Variants in NAPG observed in about 807,000 individuals in gnomAD.
NAPG encodes the protein gamma-soluble NSF attachment protein.
NAPG carries 25 observed loss-of-function variants against 48.4 expected under a neutral mutation model. The observed-to-expected ratio is 0.52, with a 90% CI of 0.38 to 0.72. The LOEUF is 0.72. Ranked by LOEUF, NAPG falls within the 30% of genes least tolerant of loss-of-function variation. NAPG has a pLI of 0.00. For synonymous variants in NAPG, 139 were observed against 127.2 expected (o/e 1.09, Z -0.62); for missense variants, 359 against 372.5 (o/e 0.96, Z 0.30).
At position 10,527,958 on chromosome 18, in the gene NAPG, G is replaced by A. The variant is rs375658136; in HGVS notation, c.56+1800G>A. On this transcript the variant is annotated intron_variant, in intron 1 of 11. Coordinates refer to ENST00000322897, the MANE Select transcript of NAPG (RefSeq NM_003826.3). ...CCCAGCACTTTGGGAGGCTGAGGCG[G>A]GTGGATCACTTGAGGTCAGGAGTTC... is the stretch of plus-strand genomic sequence containing the variant. 1.0e-3 allele frequency among the ~76,000 whole-genome samples: 153 copies of A among 152,244 alleles called. 3 individuals carry two copies. In the South Asian group the frequency reaches 0.03, roughly 30 times the overall value.
rs563821008 is a variant in NAPG at position 10,543,153 on chromosome 18, A to G, written c.506+2754A>G. Among the ~76,000 whole-genome samples, 4 of 152,068 alleles carry G rather than the reference A, an allele frequency of 2.6e-5. No homozygotes were observed. In the South Asian group the frequency reaches 8.3e-4, roughly 32 times the overall value. On this transcript the variant is annotated intron_variant, in intron 8 of 11. Transcript: ENST00000322897. The surrounding 1 kb of genome is among the most constrained non-coding windows in gnomAD (Gnocchi z 4.4). ...CCCATCTCAAAAAAAAAAAAAAAGAAAAGAAAAGAAAAAAAGACCTTTCCA... is the reference window on the plus strand; with the variant it reads ...CCCATCTCAAAAAAAAAAAAAAAGAGAAGAAAAGAAAAAAAGACCTTTCCA...
At position 10,526,088 on chromosome 18, in the gene NAPG, G is replaced by C; in HGVS notation, c.-15G>C. On this transcript the variant is annotated 5_prime_UTR_variant, in exon 1 of 12. Coordinates refer to ENST00000322897, the MANE Select transcript of NAPG (RefSeq NM_003826.3). ...AGGGTCACCCTCTCTCCACGTCAGA[G>C]ACCTGACTGTGGAGATGGCGGCTCA... is the stretch of plus-strand genomic sequence containing the variant. 1 of 1,613,382 alleles carries C rather than the reference G, an allele frequency of 6.2e-7. No individual in the cohort carries two copies. The highest frequency in any genetic ancestry group is 1.1e-5 in the South Asian group (1 of 91,066).
chr18:10,532,615 G>A, intron 2 of NAPG, 96 bp from the exon 3 acceptor site: 1 of 859,612 alleles, frequency 1.2e-6, no homozygotes, highest in Non-Finnish European at 1.8e-6. Context: ...TTTGAAGTAA[G>A]TATGTTTATA....
chr18:10,549,813 T>A, intron 11 of NAPG, among the ~76,000 whole-genome samples: 1 of 152,254 alleles, frequency 6.6e-6, no homozygotes, highest in African/African-American at 2.4e-5. Flanking sequence ...CTAAATAACG[T>A]CTTACATAGG....
chr18:10,536,961 T>G (rs892756687), intron 5 of NAPG, among the ~76,000 whole-genome samples: 4 of 148,442 alleles, frequency 2.7e-5, no homozygotes, highest in African/African-American at 7.6e-5. Context: ...AGCCTGTTTT[T>G]GTTTTTTTTT....
At chr18:10,549,236 T>A in intron 11 of NAPG, 140 bp downstream of exon 11, 2 of 950,638 alleles carry the variant, frequency 2.1e-6, no homozygotes, top group Non-Finnish European at 3.1e-6. Context: ...ATAAGGAAAC[T>A]GACCACTTGC....
chr18:10,540,427 G>GT (rs763773482), intron 8 of NAPG, 28 bp downstream of exon 8: 74 of 1,576,036 alleles, frequency 4.7e-5, no homozygotes, highest in Non-Finnish European at 5.9e-5. Context: ...ATTGCTGTGT[G>GT]TTTAACTATA....
rs1297780336 is a variant in NAPG at position 10,552,761 on chromosome 18, T to C, written c.*2541T>C. The C allele has an allele frequency of 3.3e-5, 5 of 152,228 alleles. No homozygotes were observed. The highest frequency in any genetic ancestry group is 3.3e-4 in the Admixed American group (5 of 15,278). 9.4% of individuals were successfully genotyped at this position (152,228 alleles called of 1,614,324 possible). On this transcript the variant is annotated 3_prime_UTR_variant, in exon 12 of 12. Transcript: ENST00000322897. ...TATGAAAATAAAACCTGAAACTATA[T>C]AAATATAATTGTTCTTTGTATTATT...
chr18:10,531,653 TCTTATA>T (rs1315844614), intron 2 of NAPG, among the ~76,000 whole-genome samples: 1 of 152,216 alleles, frequency 6.6e-6, no homozygotes, highest in Non-Finnish European at 1.5e-5. Flanking sequence ...AAATTGTTTA[TCTTATA>T]CTTGAAAATT....
intron 1 of NAPG, chr18:10,526,401 G>A (rs1191294212): frequency 3.7e-6 from 2 of 533,596 alleles, no homozygotes. Context: ...CCCCAGAGCC[G>A]GTGTGGGCGG....
In NAPG at chr18:10,539,232, A is replaced by C. The variant is rs1470245875; in HGVS notation, c.259-530A>C. 2 of 153,622 alleles carry C rather than the reference A, an allele frequency of 1.3e-5. No individual in the cohort carries two copies. The highest frequency in any genetic ancestry group is 3.8e-4 in the East Asian group (2 of 5,240). 9.5% of individuals were successfully genotyped at this position (153,622 alleles called of 1,614,324 possible). The stretch of plus-strand genomic sequence containing the variant: ...ACGTATGTTTATTGTAGCACCATTT[A>C]CAATAGCAAAGACATGGAACCAACC... On this transcript the variant is annotated intron_variant, in intron 5 of 11. Transcript: ENST00000322897. The surrounding 1 kb of genome is among the most constrained non-coding windows in gnomAD (Gnocchi z 4.7).
Position 10,543,603 on chromosome 18 carries a change from G to A in NAPG, c.507-2723G>A, listed in dbSNP as rs113896607. On this transcript the variant is annotated intron_variant, in intron 8 of 11. Transcript: ENST00000322897. The surrounding 1 kb of genome is among the most constrained non-coding windows in gnomAD (Gnocchi z 4.4). ...GAACAGTTTGAGTTGTGGTGTAGAA[G>A]GTGTCTGTTGAAAGCTTGGGGATGA... Among the ~76,000 whole-genome samples the A allele has an allele frequency of 1.3e-5, 2 of 152,328 alleles. No individual in the cohort carries two copies. The highest frequency in any genetic ancestry group is 3.9e-4 in the East Asian group (2 of 5,192).
intron 5 of NAPG, among the ~76,000 whole-genome samples, chr18:10,538,786 T>C (rs2032087527): frequency 6.6e-6 from 1 of 152,188 alleles, no homozygotes; most frequent in South Asian, 2.1e-4. Flanking sequence ...TTTCATGAAT[T>C]AGGGATAAAA....
In NAPG at chr18:10,552,180, G is replaced by A. The variant is rs1310810947; in HGVS notation, c.*1960G>A. 1.3e-5 allele frequency: 2 copies of A among 152,156 alleles called. No homozygotes were observed. The highest frequency in any genetic ancestry group is 2.9e-5 in the Non-Finnish European group (2 of 68,014). 9.4% of individuals were successfully genotyped at this position (152,156 alleles called of 1,614,324 possible). A position where few individuals can be genotyped will look rare whatever the true frequency, so the allele number is the denominator to read the frequency against. ...AATTTTTTAATTTTACTCTTCTTAT[G>A]TACTGAAAACTTTTTTTAAAAAAGG... On this transcript the variant is annotated 3_prime_UTR_variant, in exon 12 of 12. Transcript: ENST00000322897.
intron 1 of NAPG, 173 bp downstream of exon 1, chr18:10,526,331 C>CG: frequency 1.6e-6 from 1 of 639,702 alleles, no homozygotes; most frequent in Non-Finnish European, 2.7e-6. Context: ...CTCCCGGGGT[C>CG]GGGGTCAGCT....
chr18:10,527,900 A>G (rs1388196672), intron 1 of NAPG, among the ~76,000 whole-genome samples: 1 of 152,216 alleles, frequency 6.6e-6, no homozygotes, highest in Non-Finnish European at 1.5e-5. Context: ...GAAATGTGGC[A>G]GCAGGCTGGG....
Position 10,526,171 on chromosome 18 carries a change from C to A in NAPG, c.56+13C>A, listed in dbSNP as rs947197712. ...AAGCAGAGAAATAGTGAGTGAGAAC[C>A]TTCCGGGGGCCTGTGTGTAGACGCC... On this transcript the variant is annotated intron_variant, in intron 1 of 11. Coordinates refer to ENST00000322897, the MANE Select transcript of NAPG (RefSeq NM_003826.3). 65 of 1,590,088 alleles carry A rather than the reference C, an allele frequency of 4.1e-5. No homozygotes were observed. Among genetic ancestry groups the A allele is most frequent in the Non-Finnish European group, 5.2e-5 (61 of 1,165,238 alleles).
In NAPG at chr18:10,539,951, A is replaced by G. The variant is rs749471455; in HGVS notation, c.369-37A>G. The G allele has an allele frequency of 8.1e-6, 13 of 1,608,192 alleles. No individual in the cohort carries two copies. The highest frequency in any genetic ancestry group is 1.0e-5 in the Non-Finnish European group (12 of 1,176,432). On this transcript the variant is annotated intron_variant, in intron 6 of 11. Transcript: ENST00000322897. This position sits in a 1 kb window ranked among gnomAD's most constrained non-coding sequence, Gnocchi z 4.7. Reference sequence around the variant, plus strand: ...GAGGTCCCTGAAAAACAAGTTTTCCATTTCTCATATAAGACATGTTTTCTT... The same window carrying G: ...GAGGTCCCTGAAAAACAAGTTTTCCGTTTCTCATATAAGACATGTTTTCTT...
At position 10,534,118 on chromosome 18, in the gene NAPG, G is replaced by A. The variant is rs909088564; in HGVS notation, c.228-348G>A. Among the ~76,000 whole-genome samples the A allele has an allele frequency of 6.6e-6, 1 of 152,164 alleles. No individual in the cohort carries two copies. The highest frequency in any genetic ancestry group is 2.4e-5 in the African/African-American group (1 of 41,434). On this transcript the variant is annotated intron_variant, in intron 4 of 11. Coordinates refer to ENST00000322897, the MANE Select transcript of NAPG (RefSeq NM_003826.3). The surrounding 1 kb of genome is among the most constrained non-coding windows in gnomAD (Gnocchi z 5.0). ...GCTGAGATCGTGCCTCTGCTCTCCA[G>A]CCTGGGCGACACAGCAAGGCTCCAT...
Sources: gnomAD v4.1 joint callset for allele counts (sites outside exome capture counted in the v4.1 genomes callset) on GRCh38, gnomAD v4.1.1 for gene constraint, Gnocchi (gnomAD v3.1) non-coding constraint, MANE v1.5 for transcripts, NCBI Gene and HGNC (gene_info 2026-07-23, HGNC 2026-07-21) for gene names.